The following SSH2 variants were observed in gnomAD, a reference collection of about 807,000 sequenced individuals.
The protein encoded by SSH2 is slingshot protein phosphatase 2, also known as protein phosphatase Slingshot homolog 2.
SSH2 carries 37 observed loss-of-function variants against 135.2 expected under a neutral mutation model. The observed-to-expected ratio is 0.27, with a 90% CI of 0.21 to 0.36. The LOEUF is 0.36. Among genes scored for constraint, SSH2 ranks in the 10% least tolerant of loss-of-function variants. The pLI is 1.00. For synonymous variants in SSH2, 628 were observed against 646.2 expected (o/e 0.97, Z 0.43); for missense variants, 1,408 against 1,765.3 (o/e 0.80, Z 3.63).
At chr17:29,864,761 T>C (rs1282576864) in intron 1 of SSH2, among the ~76,000 whole-genome samples, 6 of 152,138 alleles carry the variant, frequency 3.9e-5, no homozygotes, top group African/African-American at 1.4e-4. Flanking sequence ...TAAAAGGGCA[T>C]GTTTCTGAAA....
At chr17:29,650,545 C>T (rs1326871378) in intron 13 of SSH2, 109 bp downstream of exon 13, 4 of 1,064,634 alleles carry the variant, frequency 3.8e-6, no homozygotes, top group Middle Eastern at 2.2e-4. Flanking sequence ...TTCCTTAGTT[C>T]CTTTTTCCTG....
chr17:29,674,774 G>A (rs138239099), intron 8 of SSH2, among the ~76,000 whole-genome samples: 87 of 152,154 alleles, frequency 5.7e-4, no homozygotes, highest in South Asian at 1.5e-3. Flanking sequence ...GATAGCTGAT[G>A]AGCTTAAAAA....
intron 3 of SSH2, among the ~76,000 whole-genome samples, chr17:29,773,186 T>G (rs2041625053): frequency 6.6e-6 from 1 of 152,018 alleles, no homozygotes; most frequent in Non-Finnish European, 1.5e-5. Context: ...GATTTCCCTT[T>G]GTATATAAAA....
intron 12 of SSH2, 131 bp downstream of exon 12, chr17:29,655,430 A>T (rs1426403559): frequency 2.2e-6 from 2 of 891,652 alleles, no homozygotes; most frequent in Non-Finnish European, 3.7e-6. Flanking sequence ...CTTAGATTAC[A>T]TCTGATTAGA....
At chr17:29,883,103 T>G (rs2066169658) in intron 1 of SSH2, 1 of 151,874 alleles carries the variant, frequency 6.6e-6, no homozygotes, top group South Asian at 2.1e-4. Flanking sequence ...ACATTACCTG[T>G]CTGATGTGAA....
chr17:29,791,950 T>A (rs1276118496), intron 3 of SSH2, among the ~76,000 whole-genome samples: 1 of 147,320 alleles, frequency 6.8e-6, no homozygotes, highest in African/African-American at 2.5e-5. Context: ...TAAGACAGAG[T>A]CTCACTTTGT....
intron 1 of SSH2, among the ~76,000 whole-genome samples, chr17:29,906,024 C>T (rs2066647423): frequency 6.6e-6 from 1 of 152,158 alleles, no homozygotes; most frequent in Non-Finnish European, 1.5e-5. Flanking sequence ...GACCTGCCTG[C>T]CTACAGAGGG....
chr17:29,839,385 G>A (rs1421785619), intron 2 of SSH2, among the ~76,000 whole-genome samples: 1 of 152,226 alleles, frequency 6.6e-6, no homozygotes, highest in South Asian at 2.1e-4. Flanking sequence ...ATTGGCCACA[G>A]AGGTTTCTGG....
chr17:29,839,677 A>T (rs1412177996), intron 2 of SSH2, among the ~76,000 whole-genome samples: 1 of 152,240 alleles, frequency 6.6e-6, no homozygotes, highest in African/African-American at 2.4e-5. Context: ...GAAACTTCCT[A>T]AAGTGAGACT....
Position 29,929,941 on chromosome 17 carries a change from G to A in SSH2, c.60C>T (p.Ala20=). The A allele has an allele frequency of 6.2e-7, 1 of 1,600,512 alleles. No homozygotes were observed. Among genetic ancestry groups the A allele is most frequent in the Non-Finnish European group, 8.5e-7 (1 of 1,174,136 alleles). The change falls in exon 1 of 16, where the codon GCC becomes GCT. Residue 20 remains alanine (A), a synonymous_variant. Coordinates refer to ENST00000540801, the MANE Select transcript of SSH2 (RefSeq NM_001282129.2). The part of the protein sequence containing the change: ...PTPSTTSSPC[A]SSSHLEDSES... ...GCGGCCGCCAGGAAGGACTCACCGA[G>A]GCGCAGGGGCTGGAGGTGGTGCTGG... is the stretch of plus-strand genomic sequence containing the variant.
At chr17:29,877,913 T>C (rs2066064495) in intron 1 of SSH2, among the ~76,000 whole-genome samples, 1 of 152,020 alleles carries the variant, frequency 6.6e-6, no homozygotes, top group Non-Finnish European at 1.5e-5. Context: ...TAAGACCCTG[T>C]CTCTACAAAA....
At chr17:29,876,426 T>G (rs912365700) in intron 1 of SSH2, among the ~76,000 whole-genome samples, 4 of 152,130 alleles carry the variant, frequency 2.6e-5, no homozygotes, top group African/African-American at 9.7e-5. Flanking sequence ...TGTTTGGAGC[T>G]CCTCATGTGT....
At chr17:29,700,563 G>A (rs1211683692) in intron 4 of SSH2, among the ~76,000 whole-genome samples, 4 of 152,136 alleles carry the variant, frequency 2.6e-5, no homozygotes, top group Non-Finnish European at 5.9e-5. Context: ...AACATTTGAT[G>A]ATTCCTTCTG....
At position 29,913,347 on chromosome 17, in the gene SSH2, A is replaced by AAAAAAAAATTATATAT; in HGVS notation, c.63+16590_63+16591insATATATAATTTTTTTT. 1.7e-4 allele frequency among the ~76,000 whole-genome samples: 5 copies of AAAAAAAAATTATATAT among 28,786 alleles called. 1 individual carries two copies. Among genetic ancestry groups the AAAAAAAAATTATATAT allele is most frequent in the East Asian group, 2.2e-3 (1 of 450 alleles). 18.9% of individuals were successfully genotyped at this position (28,786 alleles called of 152,430 possible). The stretch of plus-strand genomic sequence containing the variant: ...AAAAAAAAAAAAAAAAAAAAAAAAA[A>AAAAAAAAATTATATAT]ATATATATATATATATATATATATA... On this transcript the variant is annotated intron_variant, in intron 1 of 15. Transcript: ENST00000540801.
chr17:29,626,437 G>T lies in SSH2; in HGVS notation c.*4404C>A, dbSNP rs2035503867. On this transcript the variant is annotated 3_prime_UTR_variant, in exon 16 of 16. Coordinates refer to ENST00000540801, the MANE Select transcript of SSH2 (RefSeq NM_001282129.2). ...AGTTTTTAGTTTGGGTATTAGCTCT[G>T]CATGTGTACACAGGACGCTGCCACC... 6.5e-6 allele frequency: 1 copy of T among 152,744 alleles called. No homozygotes were observed. Among genetic ancestry groups the T allele is most frequent in the Admixed American group, 6.5e-5 (1 of 15,276 alleles). 9.5% of individuals were successfully genotyped at this position (152,744 alleles called of 1,614,324 possible).
chr17:29,741,482 T>C (rs1375402890), intron 3 of SSH2, among the ~76,000 whole-genome samples: 3 of 152,130 alleles, frequency 2.0e-5, no homozygotes, highest in South Asian at 4.1e-4. Context: ...GAATCAGTCT[T>C]ATGGAAAACA....
intron 13 of SSH2, 95 bp downstream of exon 13, chr17:29,650,559 A>G (rs1598722115): frequency 8.4e-7 from 1 of 1,190,966 alleles, no homozygotes; most frequent in Non-Finnish European, 1.1e-6. Flanking sequence ...TTTCCTGAGT[A>G]CCATCAGTAA....
At chr17:29,850,883 G>A (rs754966036) in intron 1 of SSH2, among the ~76,000 whole-genome samples, 6 of 152,176 alleles carry the variant, frequency 3.9e-5, no homozygotes, top group Non-Finnish European at 8.8e-5. Context: ...TACTCGGGAG[G>A]TTGAGGCAGG....
intron 1 of SSH2, among the ~76,000 whole-genome samples, chr17:29,901,743 TCTCCCTTCCTTC>T (rs1416081152): frequency 6.6e-6 from 1 of 151,214 alleles, no homozygotes; most frequent in African/African-American, 2.4e-5. Context: ...TCCCTTCCTT[TCTCCCTTCCTTC>T]CTCCCTTTCT....
Sources: gnomAD v4.1 joint callset for allele counts (sites outside exome capture counted in the v4.1 genomes callset) on GRCh38, gnomAD v4.1.1 for gene constraint, MANE v1.5 for transcripts, NCBI Gene and HGNC (gene_info 2026-07-23, HGNC 2026-07-21) for gene names.